The following ITGA6 variants were observed in gnomAD, a reference collection of about 807,000 sequenced individuals.
ITGA6 encodes integrin subunit alpha 6.
Under a neutral mutation model 133.6 loss-of-function variants are expected in ITGA6, and 63 were observed. That is an observed-to-expected ratio of 0.47 (90% CI 0.38 to 0.58). ITGA6 has a LOEUF of 0.58. ITGA6 is among the 20% of genes least tolerant of loss of function. The pLI, the probability that ITGA6 is intolerant of heterozygous loss-of-function variation, is 0.00. For synonymous variants in ITGA6, 434 were observed against 482.0 expected, an observed-to-expected ratio of 0.90 and a Z score of 1.30; for missense variants, 1,068 against 1,309.4, an observed-to-expected ratio of 0.82 and a Z score of 2.85.
intron 1 of ITGA6, among the ~76,000 whole-genome samples, chr2:172,431,491 A>T (rs1311848941): frequency 1.3e-5 from 2 of 152,206 alleles, no homozygotes; most frequent in Non-Finnish European, 2.9e-5. Flanking sequence ...TATTGACTCT[A>T]TTCCAGCTGG....
chr2:172,482,537 G>A (rs532731000), intron 11 of ITGA6, among the ~76,000 whole-genome samples: 1 of 152,234 alleles, frequency 6.6e-6, no homozygotes, highest in African/African-American at 2.4e-5. Flanking sequence ...AGATGATGTG[G>A]ACTGTCTGGA....
chr2:172,434,159 TG>T (rs1183268789), intron 1 of ITGA6, among the ~76,000 whole-genome samples: 1 of 152,226 alleles, frequency 6.6e-6, no homozygotes, highest in African/African-American at 2.4e-5. Context: ...GGATTATTGA[TG>T]ACAAAACTGC....
At chr2:172,431,709 G>A (rs1684111938) in intron 1 of ITGA6, among the ~76,000 whole-genome samples, 1 of 152,196 alleles carries the variant, frequency 6.6e-6, no homozygotes, top group South Asian at 2.1e-4. Flanking sequence ...CACCTTGAAT[G>A]CTAAGAGTAG....
intron 1 of ITGA6, among the ~76,000 whole-genome samples, chr2:172,441,366 T>C (rs1684530453): frequency 6.6e-6 from 1 of 152,030 alleles, no homozygotes; most frequent in East Asian, 1.9e-4. Flanking sequence ...TAACAGAGCC[T>C]GACACTTGTA....
rs141561707 is a variant in ITGA6 at position 172,474,010 on chromosome 2, A to G, written c.776-45A>G. 1,124 of 1,411,872 alleles carry G rather than the reference A, an allele frequency of 8.0e-4. 4 individuals carry two copies. In the African/African-American group the frequency reaches 0.014, roughly 18 times the overall value. The allele number at this position is 1,411,872 out of a possible 1,614,324, so 87.5% of individuals were successfully genotyped here. The stretch of plus-strand genomic sequence containing the variant: ...GAGTTACCAATGTCATAGGCCTAAA[A>G]TATATGGATTGATGTGAGGGGCTCT... On this transcript the variant is annotated intron_variant, in intron 5 of 25. Coordinates refer to ENST00000684293, the MANE Select transcript of ITGA6 (RefSeq NM_000210.4).
In ITGA6 at chr2:172,427,832, G is replaced by C. The variant is rs1257432098; in HGVS notation, c.44G>C (p.Gly15Ala). The C allele has an allele frequency of 6.2e-7, 1 of 1,603,508 alleles. No individual in the cohort carries two copies. The highest frequency in any genetic ancestry group is 2.3e-5 in the East Asian group (1 of 43,966). Residue 15 changes from glycine (G) to alanine (A), a missense_variant, in exon 1 of 26, where the codon GGG (glycine) becomes GCG (alanine). By Grantham distance (60) the Gly-to-Ala change is moderately conservative. Transcript: ENST00000684293. ...GQLCLLYLSA[G>A]LLSRLGAAFN... ...CTGTGCTTGCTCTACCTGTCGGCGG[G>C]GCTCCTGTCCCGGCTCGGCGCAGCC... is the stretch of plus-strand genomic sequence containing the variant.
chr2:172,477,219 C>T lies in ITGA6; in HGVS notation c.1388+706C>T, dbSNP rs186098928. On this transcript the variant is annotated intron_variant, in intron 9 of 25. Transcript: ENST00000684293. Reference sequence around the variant, plus strand: ...GGATGTGAAATTGATATATGTGCTTCAAGACTTTTGATTCGGTTTCGCCAA... The same window carrying T: ...GGATGTGAAATTGATATATGTGCTTTAAGACTTTTGATTCGGTTTCGCCAA... 8.5e-4 allele frequency among the ~76,000 whole-genome samples: 130 copies of T among 152,136 alleles called. 1 individual carries two copies. Among genetic ancestry groups the T allele is most frequent in the African/African-American group, 2.9e-3 (119 of 41,486 alleles).
intron 17 of ITGA6, 25 bp from the exon 18 acceptor site, chr2:172,487,936 C>A: frequency 6.2e-7 from 1 of 1,600,340 alleles, no homozygotes; most frequent in Non-Finnish European, 8.6e-7. Context: ...AAAATACAAC[C>A]CTATTGTTTC....
intron 1 of ITGA6, among the ~76,000 whole-genome samples, chr2:172,458,117 C>T (rs937366311): frequency 3.9e-5 from 6 of 152,136 alleles, no homozygotes; most frequent in South Asian, 2.1e-4. Context: ...GCTGCTGGCA[C>T]TTAACACCCT....
At chr2:172,493,904 T>C (rs1242839116) in intron 23 of ITGA6, among the ~76,000 whole-genome samples, 1 of 152,170 alleles carries the variant, frequency 6.6e-6, no homozygotes, top group African/African-American at 2.4e-5. Flanking sequence ...CTCTTGGGCA[T>C]TTTATGTTCT....
At chr2:172,500,197 T>C (rs1333958192) in intron 24 of ITGA6, among the ~76,000 whole-genome samples, 1 of 152,070 alleles carries the variant, frequency 6.6e-6, no homozygotes, top group Non-Finnish European at 1.5e-5. Context: ...TCAGATTGTA[T>C]CCATTTTAAA....
At chr2:172,436,279 GGAATCCCA>G (rs773131631) in intron 1 of ITGA6, among the ~76,000 whole-genome samples, 3 of 152,174 alleles carry the variant, frequency 2.0e-5, no homozygotes, top group African/African-American at 2.4e-5. Flanking sequence ...AGGACTTTCG[GGAATCCCA>G]GACTAGAGAA....
chr2:172,448,525 G>A (rs1490770202), intron 1 of ITGA6, among the ~76,000 whole-genome samples: 1 of 152,180 alleles, frequency 6.6e-6, no homozygotes, highest in African/African-American at 2.4e-5. Flanking sequence ...ATTAGGCAGA[G>A]TACCTAATAT....
Position 172,485,262 on chromosome 2 carries a change from G to A in ITGA6, c.1852G>A (p.Asp618Asn). 6.2e-7 allele frequency: 1 copy of A among 1,613,928 alleles called. No individual in the cohort carries two copies. The highest frequency in any genetic ancestry group is 8.5e-7 in the Non-Finnish European group (1 of 1,179,916). ...AGATGAACCCAAGACAGCTCATATT[G>A]ATGTAAGTCTCTCTGACTTTCATTT... ...NSDEPKTAHI[D>N]VHFLKEGCGD... The change falls in exon 13 of 26, where the codon GAT becomes AAT. Residue 618 changes from aspartate (D) to asparagine (N), a missense_variant and splice_region_variant. By Grantham distance (23) the Asp-to-Asn change is conservative. This residue lies in a region of ITGA6 where 609 missense variants were observed against 707.2 expected (regional missense o/e 0.86). Transcript: ENST00000684293.
chr2:172,475,119 C>A lies in ITGA6; in HGVS notation c.1177C>A (p.Pro393Thr). Residue 393 changes from proline (P) to threonine (T), a missense_variant, in exon 7 of 26, where the codon CCA becomes ACA. Coordinates refer to ENST00000684293, the MANE Select transcript of ITGA6 (RefSeq NM_000210.4). ...NIGDINQDGYPDIAVGAPYDD... is the reference protein window; with the variant it reads ...NIGDINQDGYTDIAVGAPYDD... Reference sequence around the variant, plus strand: ...TGGAGATATTAATCAAGATGGCTACCCAGGTAGATAATAGATTATGAAATG... The same window carrying A: ...TGGAGATATTAATCAAGATGGCTACACAGGTAGATAATAGATTATGAAATG... The A allele has an allele frequency of 6.6e-7, 1 of 1,514,480 alleles. No individual in the cohort carries two copies. Among genetic ancestry groups the A allele is most frequent in the East Asian group, 2.2e-5 (1 of 44,532 alleles). The allele number at this position is 1,514,480 out of a possible 1,614,324, so 93.8% of individuals were successfully genotyped here.
intron 25 of ITGA6, among the ~76,000 whole-genome samples, chr2:172,502,916 G>A (rs188589392): frequency 1.2e-4 from 19 of 152,144 alleles, no homozygotes; most frequent in African/African-American, 4.3e-4. Flanking sequence ...TTTAAATGGG[G>A]TAGACAGCAG....
intron 5 of ITGA6, among the ~76,000 whole-genome samples, chr2:172,473,067 A>C (rs1380058454): frequency 6.6e-6 from 1 of 152,150 alleles, no homozygotes. Context: ...GCTGGACTCC[A>C]TATTGCCCTC....
chr2:172,427,447 A>C (rs2105782670), upstream of ITGA6: 1 of 1,041,034 alleles, frequency 9.6e-7, no homozygotes, highest in East Asian at 8.6e-5. Context: ...GGTACCGGGC[A>C]GCTGGAGACG....
intron 2 of ITGA6, 142 bp from the exon 3 acceptor site, chr2:172,467,339 T>A (rs1685724125): frequency 2.9e-6 from 2 of 678,882 alleles, no homozygotes; most frequent in Non-Finnish European, 5.4e-6. Context: ...GACAAGTAAT[T>A]TTTCTGGATT....
Sources: allele counts gnomAD v4.1 joint callset (sites outside exome capture counted in the v4.1 genomes callset), GRCh38; gene constraint gnomAD v4.1.1; regional missense constraint gnomAD v4.1.1; transcripts MANE v1.5; gene names NCBI Gene and HGNC (gene_info 2026-07-23, HGNC 2026-07-21).